Variants in CENPQ observed in about 807,000 individuals in gnomAD.
CENPQ encodes the protein centromere protein Q, also known as chromosome 6 open reading frame 139.
Under a neutral mutation model 36.6 loss-of-function variants are expected in CENPQ, and 27 were observed. That is an observed-to-expected ratio of 0.74 (90% CI 0.54 to 1.02). The LOEUF (loss-of-function observed/expected upper bound fraction) is 1.02. CENPQ is among the 50% of genes least tolerant of loss of function. CENPQ has a pLI of 0.00. For missense variants in CENPQ, 306 were observed against 301.8 expected (o/e 1.01, Z -0.10); for synonymous variants, 101 against 101.7 (o/e 0.99, Z 0.04).
intron 4 of CENPQ, 122 bp from the exon 5 acceptor site, chr6:49,472,668 A>T (rs1345507538): frequency 1.5e-6 from 1 of 658,734 alleles, no homozygotes; most frequent in Non-Finnish European, 2.2e-6. Context: ...TGAAAGGAAA[A>T]GTGATTGATT....
intron 6 of CENPQ, among the ~76,000 whole-genome samples, chr6:49,485,849 C>A (rs1768564184): frequency 6.6e-6 from 1 of 150,692 alleles, no homozygotes; most frequent in African/African-American, 2.4e-5. Flanking sequence ...GGTAGTAATA[C>A]CCAAAGATAA....
At chr6:49,476,865 A>G (rs1258158804) in intron 5 of CENPQ, among the ~76,000 whole-genome samples, 2 of 152,234 alleles carry the variant, frequency 1.3e-5, no homozygotes, top group Non-Finnish European at 2.9e-5. Flanking sequence ...CAAAACCACA[A>G]TGAGATACCA....
At chr6:49,475,797 C>A (rs1306435233) in intron 5 of CENPQ, among the ~76,000 whole-genome samples, 2 of 152,050 alleles carry the variant, frequency 1.3e-5, no homozygotes, top group Non-Finnish European at 2.9e-5. Flanking sequence ...AACAGAGAGC[C>A]AAATCATGAG....
intron 5 of CENPQ, among the ~76,000 whole-genome samples, chr6:49,480,644 C>T (rs1768404025): frequency 6.6e-6 from 1 of 150,976 alleles, no homozygotes; most frequent in South Asian, 2.1e-4. Context: ...TAGAAAACAT[C>T]TGGATGATAA....
intron 6 of CENPQ, among the ~76,000 whole-genome samples, chr6:49,481,831 C>A (rs1350995595): frequency 7.1e-6 from 1 of 141,310 alleles, no homozygotes; most frequent in Non-Finnish European, 1.6e-5. Flanking sequence ...GCCAGCACTC[C>A]TCAGCCCTTG....
In CENPQ at chr6:49,469,239, C is replaced by G. The variant is rs183063109; in HGVS notation, c.-18-920C>G. Among the ~76,000 whole-genome samples the G allele has an allele frequency of 2.9e-3, 437 of 152,112 alleles. 1 individual carries two copies. The highest frequency in any genetic ancestry group is 6.8e-3 in the African/African-American group (283 of 41,502). ...ATCTGCACATATATTTAAACTGTAT[C>G]AGTATAATAATTCTGAATGTTTAGA... On this transcript the variant is annotated intron_variant, in intron 1 of 8. Coordinates refer to ENST00000335783, the MANE Select transcript of CENPQ (RefSeq NM_018132.4).
chr6:49,482,621 T>G (rs1262290790), intron 6 of CENPQ, among the ~76,000 whole-genome samples: 1 of 150,656 alleles, frequency 6.6e-6, no homozygotes, highest in Non-Finnish European at 1.5e-5. Flanking sequence ...CTTGATGGCC[T>G]CGATTTACTC....
chr6:49,488,291 A>G, intron 6 of CENPQ, 61 bp from the exon 7 acceptor site: 1 of 1,300,772 alleles, frequency 7.7e-7, no homozygotes, highest in Non-Finnish European at 1.1e-6. Context: ...AACAATATCT[A>G]TTAGGATTTA....
chr6:49,492,499 C>T lies in CENPQ; in HGVS notation c.*224C>T, dbSNP rs1360778275. On this transcript the variant is annotated 3_prime_UTR_variant, in exon 9 of 9. Coordinates refer to ENST00000335783, the MANE Select transcript of CENPQ (RefSeq NM_018132.4). ...ATCTAGGAAACTAACATTTATATTG[C>T]TGTATCTATAAGTATTTGCCTAAAA... 1 of 409,920 alleles carries T rather than the reference C, an allele frequency of 2.4e-6. No individual in the cohort carries two copies. The highest frequency in any genetic ancestry group is 4.3e-6 in the Non-Finnish European group (1 of 234,422). The allele number at this position is 409,920 out of a possible 1,614,324, so 25.4% of individuals were successfully genotyped here.
At chr6:49,486,411 A>T (rs541576060) in intron 6 of CENPQ, among the ~76,000 whole-genome samples, 1 of 152,220 alleles carries the variant, frequency 6.6e-6, no homozygotes, top group Non-Finnish European at 1.5e-5. Flanking sequence ...CTTAGATCCT[A>T]CAACCAATTC....
chr6:49,470,898 A>C, intron 2 of CENPQ, 76 bp from the exon 3 acceptor site: 1 of 785,384 alleles, frequency 1.3e-6, no homozygotes, highest in East Asian at 2.8e-5. Context: ...CATATATAAA[A>C]ATCTATTGTA....
chr6:49,483,854 A>G (rs1015798493), intron 6 of CENPQ, among the ~76,000 whole-genome samples: 7 of 152,208 alleles, frequency 4.6e-5, no homozygotes, highest in Admixed American at 2.6e-4. Flanking sequence ...CAGCCCAGAA[A>G]GGGGCTCCCA....
chr6:49,479,593 G>C (rs546472104), intron 5 of CENPQ, among the ~76,000 whole-genome samples: 2 of 152,094 alleles, frequency 1.3e-5, no homozygotes, highest in Non-Finnish European at 2.9e-5. Flanking sequence ...ACTTAAAACA[G>C]AACTACCATC....
chr6:49,481,164 C>A, intron 6 of CENPQ, 84 bp downstream of exon 6: 1 of 1,159,096 alleles, frequency 8.6e-7, no homozygotes, highest in Non-Finnish European at 1.2e-6. Context: ...TCATGATGTT[C>A]TTCCAGTAGT....
At position 49,492,304 on chromosome 6, in the gene CENPQ, AT is replaced by A; in HGVS notation, c.*31del. On this transcript the variant is annotated 3_prime_UTR_variant, in exon 9 of 9. Transcript: ENST00000335783. ...GTGTTTTTTTTTTAGATTGTTCCAT[AT>A]TAATTTAATGTTCGTGAATTTGTAA... is the stretch of plus-strand genomic sequence containing the variant. 1 of 1,543,760 alleles carries A rather than the reference AT, an allele frequency of 6.5e-7. No individual in the cohort carries two copies. Among genetic ancestry groups the A allele is most frequent in the Non-Finnish European group, 8.7e-7 (1 of 1,145,714 alleles).
At chr6:49,479,089 G>T (rs983351555) in intron 5 of CENPQ, among the ~76,000 whole-genome samples, 1 of 152,138 alleles carries the variant, frequency 6.6e-6, no homozygotes, top group African/African-American at 2.4e-5. Context: ...CAGATAGTTT[G>T]TGTTTAAATG....
intron 5 of CENPQ, among the ~76,000 whole-genome samples, chr6:49,476,720 T>G (rs1211618545): frequency 6.6e-6 from 1 of 152,038 alleles, no homozygotes; most frequent in Non-Finnish European, 1.5e-5. Context: ...CTCAAACAAA[T>G]TTACAAGAAA....
intron 3 of CENPQ, 45 bp downstream of exon 3, chr6:49,471,073 C>G (rs1768122685): frequency 1.7e-6 from 2 of 1,152,700 alleles, no homozygotes; most frequent in Non-Finnish European, 1.2e-6. Flanking sequence ...CTATATCAAG[C>G]TATATCTACA....
At chr6:49,479,734 AGTG>A (rs1175915189) in intron 5 of CENPQ, among the ~76,000 whole-genome samples, 1 of 152,206 alleles carries the variant, frequency 6.6e-6, no homozygotes, top group Non-Finnish European at 1.5e-5. Context: ...AAGGCCTATC[AGTG>A]GTAGATTAGA....
Sources: allele counts gnomAD v4.1 joint callset (sites outside exome capture counted in the v4.1 genomes callset), GRCh38; gene constraint gnomAD v4.1.1; transcripts MANE v1.5; gene names NCBI Gene and HGNC (gene_info 2026-07-23, HGNC 2026-07-21).